Variants in ATP8A1 observed in about 807,000 individuals in gnomAD.
ATP8A1 encodes the protein ATPase phospholipid transporting 8A1, also known as phospholipid-transporting ATPase IA.
ATP8A1 carries 90 observed loss-of-function variants against 177.7 expected under a neutral mutation model. The ratio of observed to expected loss-of-function variants is 0.51; its 90% CI spans 0.43 to 0.60. The LOEUF (loss-of-function observed/expected upper bound fraction) is 0.60. Among genes scored for constraint, ATP8A1 ranks in the 20% least tolerant of loss-of-function variants. The pLI is 0.00. For synonymous variants in ATP8A1, 493 were observed against 485.9 expected (o/e 1.01, Z -0.19); for missense variants, 1,072 against 1,392.8 (o/e 0.77, Z 3.67).
Position 42,549,071 on chromosome 4 carries a change from A to G in ATP8A1, c.1603-9T>C. 2.5e-6 allele frequency: 4 copies of G among 1,605,868 alleles called. No individual in the cohort carries two copies. The South Asian group carries it at 3.3e-5, about 13-fold the overall frequency. On this transcript the variant is annotated splice_polypyrimidine_tract_variant and intron_variant, in intron 18 of 36. Transcript: ENST00000381668. ...CTTTCTTCCTGCCCCAGCTAAGAAGAAAAGGAATATATAATTACATACAGT... is the reference window on the plus strand; with the variant it reads ...CTTTCTTCCTGCCCCAGCTAAGAAGGAAAGGAATATATAATTACATACAGT...
intron 22 of ATP8A1, among the ~76,000 whole-genome samples, chr4:42,517,744 A>C (rs1234432433): frequency 1.3e-5 from 2 of 152,238 alleles, no homozygotes; most frequent in Admixed American, 6.5e-5. Context: ...AATTTTTAGA[A>C]ATGTCCTGAA....
intron 27 of ATP8A1, among the ~76,000 whole-genome samples, chr4:42,460,198 ATAAGAAC>A (rs1718954368): frequency 6.6e-6 from 1 of 152,160 alleles, no homozygotes; most frequent in Non-Finnish European, 1.5e-5. Flanking sequence ...CTGACTCATA[ATAAGAAC>A]TATGCTCAGT....
At chr4:42,530,144 T>C (rs1350607910) in intron 20 of ATP8A1, among the ~76,000 whole-genome samples, 1 of 152,194 alleles carries the variant, frequency 6.6e-6, no homozygotes, top group African/African-American at 2.4e-5. Context: ...CATTACCCAA[T>C]GGGCCCATGA....
intron 33 of ATP8A1, among the ~76,000 whole-genome samples, chr4:42,441,674 C>T (rs148115789): frequency 1.1e-3 from 162 of 152,244 alleles, no homozygotes; most frequent in African/African-American, 3.7e-3. Flanking sequence ...CCACCACACC[C>T]ACATCCATAC....
Position 42,579,993 on chromosome 4 carries a change from A to G in ATP8A1, c.835-15T>C. Reference sequence around the variant, plus strand: ...CTTGTTGAATTCTGTAAAAAGAAACAAGATGAGTAATAAAAAATGTACACC... The same window carrying G: ...CTTGTTGAATTCTGTAAAAAGAAACGAGATGAGTAATAAAAAATGTACACC... On this transcript the variant is annotated splice_polypyrimidine_tract_variant and intron_variant, in intron 10 of 36. Coordinates refer to ENST00000381668, the MANE Select transcript of ATP8A1 (RefSeq NM_006095.2). 3 of 1,570,206 alleles carry G rather than the reference A, an allele frequency of 1.9e-6. No individual in the cohort carries two copies. Among genetic ancestry groups the G allele is most frequent in the Non-Finnish European group, 2.6e-6 (3 of 1,155,026 alleles).
At chr4:42,488,569 T>C (rs945580176) in intron 24 of ATP8A1, among the ~76,000 whole-genome samples, 3 of 152,124 alleles carry the variant, frequency 2.0e-5, no homozygotes, top group African/African-American at 7.2e-5. Context: ...AAAACACAAA[T>C]CTTGTCTCTT....
intron 3 of ATP8A1, chr4:42,625,112 T>G (rs1328361063): frequency 6.6e-6 from 1 of 152,176 alleles, no homozygotes; most frequent in African/African-American, 2.4e-5. Context: ...TCTCTGATGG[T>G]AGAATAATGA....
At chr4:42,635,760 C>CT (rs1553920536) in intron 1 of ATP8A1, among the ~76,000 whole-genome samples, 7 of 63,166 alleles carry the variant, frequency 1.1e-4, no homozygotes, top group African/African-American at 5.3e-4. Context: ...TATATACACA[C>CT]ACACACACAC....
Position 42,600,504 on chromosome 4 carries a change from C to T in ATP8A1, c.424G>A (p.Ala142Thr). The T allele has an allele frequency of 6.2e-7, 1 of 1,609,486 alleles. No individual in the cohort carries two copies. The highest frequency in any genetic ancestry group is 8.5e-7 in the Non-Finnish European group (1 of 1,178,402). ...TTTTCCCAGTGGACAATTTCCCAAG[C>T]ACCATTTCTCAAAACTGGAAAGAGA... ...KKQTQVLRNG[A>T]WEIVHWEKVA... The change falls in exon 6 of 37, where the codon GCT becomes ACT. Residue 142 changes from alanine (A) to threonine (T), a missense_variant. By Grantham distance (58) the Ala-to-Thr change is moderately conservative (BLOSUM62 0). Coordinates refer to ENST00000381668, the MANE Select transcript of ATP8A1 (RefSeq NM_006095.2).
At chr4:42,499,884 GAC>G (rs1723660882) in intron 24 of ATP8A1, among the ~76,000 whole-genome samples, 3 of 152,138 alleles carry the variant, frequency 2.0e-5, no homozygotes, top group African/African-American at 7.2e-5. Context: ...AGATTTAACA[GAC>G]AGACTTTAAA....
chr4:42,594,445 AC>A, intron 6 of ATP8A1: 1 of 141,822 alleles, frequency 7.1e-6, no homozygotes. Context: ...AGCATAGAAT[AC>A]ACAGTAAAAA....
chr4:42,592,653 T>C (rs1206739644), intron 6 of ATP8A1, among the ~76,000 whole-genome samples: 2 of 152,066 alleles, frequency 1.3e-5, no homozygotes, highest in African/African-American at 4.8e-5. Flanking sequence ...GAGGAATGCA[T>C]TGTCAGGCAT....
chr4:42,544,000 G>A lies in ATP8A1; in HGVS notation c.1653-14C>T, dbSNP rs1483527174. On this transcript the variant is annotated splice_polypyrimidine_tract_variant and intron_variant, in intron 19 of 36. Transcript: ENST00000381668. ...CTTTTCCTAGCACTGAAAGAAAGAGGTTTTGCATAATGTGTCATCATACCA... is the reference window on the plus strand; with the variant it reads ...CTTTTCCTAGCACTGAAAGAAAGAGATTTTGCATAATGTGTCATCATACCA... 1 of 1,609,854 alleles carries A rather than the reference G, an allele frequency of 6.2e-7. No homozygotes were observed. Among genetic ancestry groups the A allele is most frequent in the South Asian group, 1.1e-5 (1 of 90,614 alleles).
In ATP8A1 at chr4:42,486,817, C is replaced by T. The variant is rs575318770; in HGVS notation, c.2152-1149G>A. On this transcript the variant is annotated intron_variant, in intron 24 of 36. Coordinates refer to ENST00000381668, the MANE Select transcript of ATP8A1 (RefSeq NM_006095.2). ...CTACAGTATTCAGTACAATAACAGG[C>T]TATAAGGGCTTGTAGCCTAGGAGCA... Among the ~76,000 whole-genome samples the T allele has an allele frequency of 2.6e-5, 4 of 152,252 alleles. No individual in the cohort carries two copies. In the East Asian group the frequency reaches 7.7e-4, roughly 29 times the overall value.
chr4:42,436,804 C>T (rs527693518), intron 33 of ATP8A1, among the ~76,000 whole-genome samples: 10 of 152,226 alleles, frequency 6.6e-5, no homozygotes, highest in South Asian at 2.1e-4. Context: ...CCACATGCTA[C>T]GGAGGTAATT....
chr4:42,625,549 T>C (rs912871817), intron 3 of ATP8A1, 65 bp downstream of exon 3: 21 of 1,069,312 alleles, frequency 2.0e-5, no homozygotes, highest in Middle Eastern at 2.1e-4. Context: ...CCTCAGGGGA[T>C]TGGTCACGGG....
intron 27 of ATP8A1, among the ~76,000 whole-genome samples, chr4:42,457,554 CA>C (rs778893724): frequency 2.0e-5 from 3 of 152,196 alleles, no homozygotes; most frequent in Non-Finnish European, 4.4e-5. Context: ...CTCTGCATAC[CA>C]AATTCGTCTA....
chr4:42,651,046 G>A (rs1741040916), intron 1 of ATP8A1, among the ~76,000 whole-genome samples: 1 of 152,162 alleles, frequency 6.6e-6, no homozygotes. Context: ...TCTTGTGATA[G>A]TGAATAAGTC....
At chr4:42,513,826 A>G (rs1020705033) in intron 22 of ATP8A1, among the ~76,000 whole-genome samples, 2 of 152,228 alleles carry the variant, frequency 1.3e-5, no homozygotes, top group Non-Finnish European at 2.9e-5. Context: ...GGGCTGGATT[A>G]GGACAAAAGA....
Sources: gnomAD v4.1 joint callset for allele counts (sites outside exome capture counted in the v4.1 genomes callset) on GRCh38, gnomAD v4.1.1 for gene constraint, MANE v1.5 for transcripts, NCBI Gene and HGNC (gene_info 2026-07-23, HGNC 2026-07-21) for gene names.